Variants in RETREG3 observed in about 807,000 individuals in gnomAD.
RETREG3 encodes reticulophagy regulator family member 3, also known as reticulophagy regulator 3.
RETREG3 carries 23 observed loss-of-function variants against 50.2 expected under a neutral mutation model. The ratio of observed to expected loss-of-function variants is 0.46; its 90% CI spans 0.33 to 0.65. The LOEUF (loss-of-function observed/expected upper bound fraction) is 0.65. RETREG3 is among the 30% of genes least tolerant of loss of function. The pLI, the probability that RETREG3 is intolerant of heterozygous loss-of-function variation, is 0.02. For missense variants in RETREG3, 546 were observed against 598.0 expected (o/e 0.91, Z 0.91); for synonymous variants, 240 against 234.4 (o/e 1.02, Z -0.22).
chr17:42,593,421 G>A (rs983869939), intron 1 of RETREG3, among the ~76,000 whole-genome samples: 3 of 151,398 alleles, frequency 2.0e-5, no homozygotes, highest in Admixed American at 6.6e-5. Flanking sequence ...AGGCAGAGGC[G>A]GGCAGATCTT....
At chr17:42,592,211 A>G (rs1184091465) in intron 1 of RETREG3, 49 bp from the exon 2 acceptor site, 1 of 1,543,916 alleles carries the variant, frequency 6.5e-7, no homozygotes, top group Non-Finnish European at 8.9e-7. Context: ...AGTTATCCTA[A>G]TTTCAGAAAA....
chr17:42,586,239 C>CA lies in RETREG3; in HGVS notation c.505-103dup. ...GATATGACAGAAAGACTCTGTAAGT[C>CA]AAGCATGGACGTGCAGCCACTGTTG... On this transcript the variant is annotated intron_variant, in intron 4 of 8. Transcript: ENST00000309428. 6 of 1,062,488 alleles carry CA rather than the reference C, an allele frequency of 5.6e-6. No individual in the cohort carries two copies. In the South Asian group the frequency reaches 8.0e-5, roughly 14 times the overall value. 65.8% of individuals were successfully genotyped at this position (1,062,488 alleles called of 1,614,324 possible).
At chr17:42,584,558 C>T (rs1174938099) in intron 6 of RETREG3, among the ~76,000 whole-genome samples, 1 of 151,986 alleles carries the variant, frequency 6.6e-6, no homozygotes, top group Non-Finnish European at 1.5e-5. Flanking sequence ...ACCTGTAATC[C>T]CAACACTTTG....
At chr17:42,586,968 C>T in intron 3 of RETREG3, 77 bp from the exon 4 acceptor site, 1 of 1,574,864 alleles carries the variant, frequency 6.3e-7, no homozygotes, top group South Asian at 1.1e-5. Context: ...GCAGCCAGTG[C>T]TTCCGGTTTT....
In RETREG3 at chr17:42,582,259, G is replaced by A; in HGVS notation, c.955C>T (p.His319Tyr). The change falls in exon 9 of 9, where the codon CAC becomes TAC. Residue 319 changes from histidine to tyrosine, a missense_variant. Transcript: ENST00000309428. Reference protein sequence around the residue: ...LTEGSEDLDGHSDPEESFARD... With the variant: ...LTEGSEDLDGYSDPEESFARD... The stretch of plus-strand genomic sequence containing the variant: ...GCAAAGGATTCCTCTGGATCACTGT[G>A]ACCATCTAGGTCTGGTGGAATACAG... 1 of 1,604,714 alleles carries A rather than the reference G, an allele frequency of 6.2e-7. No individual in the cohort carries two copies.
intron 1 of RETREG3, 137 bp from the exon 2 acceptor site, chr17:42,592,299 T>G: frequency 1.6e-6 from 1 of 639,570 alleles, no homozygotes; most frequent in Non-Finnish European, 2.7e-6. Context: ...TAACTAGTTA[T>G]ACACCTAGGG....
chr17:42,594,529 G>T (rs1252449294), intron 1 of RETREG3, among the ~76,000 whole-genome samples: 1 of 151,798 alleles, frequency 6.6e-6, no homozygotes, highest in Non-Finnish European at 1.5e-5. Context: ...ACTCCAGACT[G>T]GGAGACAAAG....
intron 1 of RETREG3, among the ~76,000 whole-genome samples, chr17:42,603,443 T>C (rs901871722): frequency 1.3e-5 from 2 of 151,932 alleles, no homozygotes; most frequent in African/African-American, 2.4e-5. Context: ...AAAGGAAAAA[T>C]TAACCCAACC....
chr17:42,585,283 C>T (rs377745168), intron 5 of RETREG3, 21 bp from the exon 6 acceptor site: 303 of 1,610,218 alleles, frequency 1.9e-4, no homozygotes, highest in Non-Finnish European at 2.3e-4. Flanking sequence ...GCATGGGAAA[C>T]AGTGACAAAA....
intron 1 of RETREG3, among the ~76,000 whole-genome samples, chr17:42,603,616 C>T (rs916836352): frequency 3.3e-5 from 5 of 152,142 alleles, no homozygotes; most frequent in African/African-American, 1.2e-4. Context: ...GGAGTCTTCT[C>T]GGCTCACAAA....
intron 2 of RETREG3, 137 bp from the exon 3 acceptor site, chr17:42,588,001 C>G (rs952498833): frequency 1.1e-6 from 1 of 890,402 alleles, no homozygotes; most frequent in Admixed American, 1.9e-5. Context: ...AAAGGAGACA[C>G]TGTGTTATAC....
At position 42,604,722 on chromosome 17, in the gene RETREG3, A is replaced by G. The variant is rs992747630; in HGVS notation, c.239+4364T>C. 9.4e-5 allele frequency among the ~76,000 whole-genome samples: 14 copies of G among 149,628 alleles called. 1 individual carries two copies. The highest frequency in any genetic ancestry group is 7.0e-3 in the Middle Eastern group (2 of 286). On this transcript the variant is annotated intron_variant, in intron 1 of 8. Transcript: ENST00000309428. Reference sequence around the variant, plus strand: ...AAAAAAAAAAAAAAAAAAAAAACTGAAAGAGCTCAGCAGTTATGTAGGCCT... The same window carrying G: ...AAAAAAAAAAAAAAAAAAAAAACTGGAAGAGCTCAGCAGTTATGTAGGCCT...
At chr17:42,597,611 ATATATATATTTTTTT>A (rs1348122920) in intron 1 of RETREG3, among the ~76,000 whole-genome samples, 70 of 34,448 alleles carry the variant, frequency 2.0e-3, no homozygotes, top group South Asian at 9.1e-3. Flanking sequence ...ATATATATAT[ATATATATATTTTTTT>A]TTTTTTTTTT....
chr17:42,585,212 G>C lies in RETREG3; in HGVS notation c.640C>G (p.Arg214Gly), dbSNP rs775957430. 3 of 1,613,982 alleles carry C rather than the reference G, an allele frequency of 1.9e-6. No individual in the cohort carries two copies. The South Asian group carries it at 3.3e-5, about 18-fold the overall frequency. ...PLAVYHRLWD[R>G]AYVRLKPALQ... ...GCTGGCTTCAGCCGCACATATGCTCGATCCCACAGTCGGTGGTACACAGCA... is the reference window on the plus strand; with the variant it reads ...GCTGGCTTCAGCCGCACATATGCTCCATCCCACAGTCGGTGGTACACAGCA... Residue 214 changes from arginine to glycine, a missense_variant, in exon 6 of 9, where the codon CGA becomes GGA. Coordinates refer to ENST00000309428, the MANE Select transcript of RETREG3 (RefSeq NM_178126.4).
At chr17:42,584,705 GTTT>G (rs2093117403) in intron 6 of RETREG3, among the ~76,000 whole-genome samples, 1 of 151,546 alleles carries the variant, frequency 6.6e-6, no homozygotes, top group Non-Finnish European at 1.5e-5. Context: ...CTACTGAAGG[GTTT>G]GGCGGGGCTG....
At chr17:42,590,246 C>G (rs1218641635) in intron 2 of RETREG3, among the ~76,000 whole-genome samples, 1 of 152,008 alleles carries the variant, frequency 6.6e-6, no homozygotes, top group Non-Finnish European at 1.5e-5. Context: ...TGGTATGCAC[C>G]TGTAGTCCCA....
intron 1 of RETREG3, among the ~76,000 whole-genome samples, chr17:42,594,064 G>A (rs373896339): frequency 3.3e-5 from 5 of 152,174 alleles, no homozygotes; most frequent in Admixed American, 6.5e-5. Flanking sequence ...ATGGTGGCGC[G>A]CTTGCGGTCC....
chr17:42,604,899 G>C (rs2093165057), intron 1 of RETREG3, among the ~76,000 whole-genome samples: 1 of 151,940 alleles, frequency 6.6e-6, no homozygotes, highest in Non-Finnish European at 1.5e-5. Flanking sequence ...ATACATGCTT[G>C]TTGACTCTCA....
At chr17:42,587,704 G>A in intron 3 of RETREG3, 130 bp downstream of exon 3, 1 of 1,082,058 alleles carries the variant, frequency 9.2e-7, no homozygotes, top group Non-Finnish European at 1.4e-6. Context: ...GTGTTAAAAT[G>A]ATCATTTGGA....
Sources: allele counts gnomAD v4.1 joint callset (sites outside exome capture counted in the v4.1 genomes callset), GRCh38; gene constraint gnomAD v4.1.1; transcripts MANE v1.5; gene names NCBI Gene and HGNC (gene_info 2026-07-23, HGNC 2026-07-21).